Variants in ARID3A observed in about 807,000 individuals in gnomAD.
ARID3A encodes the protein AT-rich interactive domain-containing protein 3A.
A neutral mutation model predicts 52.7 loss-of-function variants in ARID3A; 11 were observed. The ratio of observed to expected loss-of-function variants is 0.21; its 90% CI spans 0.13 to 0.35. ARID3A has a LOEUF of 0.35. Ranked by LOEUF, ARID3A falls within the 10% of genes least tolerant of loss-of-function variation. ARID3A has a pLI of 1.00. For synonymous variants in ARID3A, 404 were observed against 359.4 expected (o/e 1.12, Z -1.40); for missense variants, 721 against 838.5 (o/e 0.86, Z 1.73).
In ARID3A at chr19:942,953, G is replaced by A. The variant is rs939414413; in HGVS notation, c.693+10211G>A. Among the ~76,000 whole-genome samples the A allele has an allele frequency of 4.6e-5, 7 of 152,172 alleles. No individual in the cohort carries two copies. Among genetic ancestry groups the A allele is most frequent in the African/African-American group, 1.7e-4 (7 of 41,438 alleles). ...GTTAGTTTCAGTGAGGTCCTGCAGC[G>A]TACGGTGGCCCCAAATCCCATGCCG... is the stretch of plus-strand genomic sequence containing the variant. On this transcript the variant is annotated intron_variant, in intron 3 of 8. Transcript: ENST00000263620. This position sits in a 1 kb window ranked among gnomAD's most constrained non-coding sequence, Gnocchi z 8.1.
chr19:938,565 C>T lies in ARID3A; in HGVS notation c.693+5823C>T, dbSNP rs542560250. 5.6e-4 allele frequency among the ~76,000 whole-genome samples: 85 copies of T among 152,310 alleles called. No homozygotes were observed. Among genetic ancestry groups the T allele is most frequent in the African/African-American group, 1.9e-3 (81 of 41,562 alleles). On this transcript the variant is annotated intron_variant, in intron 3 of 8. Coordinates refer to ENST00000263620, the MANE Select transcript of ARID3A (RefSeq NM_005224.3). The surrounding 1 kb of genome is among the most constrained non-coding windows in gnomAD (Gnocchi z 4.0). ...ATGGCCCAGGGAGCTGCTGGTGGGA[C>T]GGTTTTGGGGAAGCTCAGCTGCCCC...
At position 959,822 on chromosome 19, in the gene ARID3A, C is replaced by T. The variant is rs1458326446; in HGVS notation, c.694-270C>T. On this transcript the variant is annotated intron_variant, in intron 3 of 8. Transcript: ENST00000263620. The surrounding 1 kb of genome is among the most constrained non-coding windows in gnomAD (Gnocchi z 5.0). Reference sequence around the variant, plus strand: ...ATCTGGGGTTCCCGGGCCCCTGGACCGGGAGAGGACACTGTCTTGTCCCAG... The same window carrying T: ...ATCTGGGGTTCCCGGGCCCCTGGACTGGGAGAGGACACTGTCTTGTCCCAG... Among the ~76,000 whole-genome samples, 3 of 152,134 alleles carry T rather than the reference C, an allele frequency of 2.0e-5. No homozygotes were observed. The highest frequency in any genetic ancestry group is 4.4e-5 in the Non-Finnish European group (3 of 68,018).
At chr19:930,649 A>G (rs2037303207) in intron 2 of ARID3A, among the ~76,000 whole-genome samples, 2 of 148,704 alleles carry the variant, frequency 1.3e-5, no homozygotes, top group East Asian at 2.1e-4. Context: ...AGTTGGGACT[A>G]CAGGCGCCCG....
Position 930,842 on chromosome 19 carries a change from C to CTAGG in ARID3A, c.368+949_368+950insGTAG, listed in dbSNP as rs552487550. On this transcript the variant is annotated intron_variant, in intron 2 of 8. Transcript: ENST00000263620. ...TTCATCTTAGTTAACTTAAAGCAACCTAGCCACCGATGGCTACAGCAGATT... is the reference window on the plus strand; with the variant it reads ...TTCATCTTAGTTAACTTAAAGCAACCTAGGTAGCCACCGATGGCTACAGCAGATT... Among the ~76,000 whole-genome samples, 88 of 151,964 alleles carry CTAGG rather than the reference C, an allele frequency of 5.8e-4. 1 individual carries two copies. In the South Asian group the frequency reaches 0.014, roughly 24 times the overall value.
At position 973,104 on chromosome 19, in the gene ARID3A, ATTTTTT is replaced by A; in HGVS notation, c.*1055_*1060del. 3.7e-5 allele frequency: 2 copies of A among 53,678 alleles called. No individual in the cohort carries two copies. Among genetic ancestry groups the A allele is most frequent in the Admixed American group, 2.7e-4 (1 of 3,698 alleles). 3.3% of individuals were successfully genotyped at this position (53,678 alleles called of 1,614,324 possible). ...GGGCTCTCGAGTCAGGGGCCTGGAAATTTTTTTTTTTTTTTTTTTTTGAGACGGAGT... is the reference window on the plus strand; with the variant it reads ...GGGCTCTCGAGTCAGGGGCCTGGAAATTTTTTTTTTTTTTTGAGACGGAGT... On this transcript the variant is annotated 3_prime_UTR_variant, in exon 9 of 9. Coordinates refer to ENST00000263620, the MANE Select transcript of ARID3A (RefSeq NM_005224.3).
chr19:964,217 C>T lies in ARID3A; in HGVS notation c.767-31C>T. On this transcript the variant is annotated intron_variant, in intron 4 of 8. Transcript: ENST00000263620. This position sits in a 1 kb window ranked among gnomAD's most constrained non-coding sequence, Gnocchi z 5.7. ...TCGGCTCCCTGCAGTGCCCAGGTGG[C>T]CCCCAACCTCCCTCTCGCCCCTTCC... 3 of 1,582,914 alleles carry T rather than the reference C, an allele frequency of 1.9e-6. No homozygotes were observed. Among genetic ancestry groups the T allele is most frequent in the South Asian group, 1.1e-5 (1 of 88,090 alleles).
rs1045674988 is a variant in ARID3A, at chr19:966,623, T to G, written c.1250T>G (p.Leu417Arg). The stretch of plus-strand genomic sequence containing the variant: ...GTCCCTGGCCGCCTGCCTGTGTCCC[T>G]GGCGGGCCACCCTGTGGTGGCAGCC... ...ITVPGRLPVS[L>R]AGHPVVAAQA... The change falls in exon 7 of 9, where the codon CTG becomes CGG. Residue 417 changes from leucine to arginine, a missense_variant. Physicochemically the swap from Leu to Arg is moderately radical, Grantham distance 102 (BLOSUM62 -2). This residue lies in a region of ARID3A where 297 missense variants were observed against 343.2 expected (regional missense o/e 0.87). Coordinates refer to ENST00000263620, the MANE Select transcript of ARID3A (RefSeq NM_005224.3). 1.0e-5 allele frequency: 16 copies of G among 1,595,614 alleles called. No individual in the cohort carries two copies. In the African/African-American group the frequency reaches 2.0e-4, roughly 20 times the overall value.
intron 8 of ARID3A, among the ~76,000 whole-genome samples, chr19:971,603 G>T (rs1327418970): frequency 6.6e-6 from 1 of 152,016 alleles, no homozygotes; most frequent in Non-Finnish European, 1.5e-5. Context: ...GACAGAGCGA[G>T]ACACCATCTC....
rs749651968 is a variant in ARID3A, at chr19:969,421, C to T, written c.1594+918C>T. Reference sequence around the variant, plus strand: ...GCGTGGTGGCAGGCGCCCATAGTCCCAGCTACTCGGGAGGCTGAGTAGGGA... The same window carrying T: ...GCGTGGTGGCAGGCGCCCATAGTCCTAGCTACTCGGGAGGCTGAGTAGGGA... On this transcript the variant is annotated intron_variant, in intron 8 of 8. Coordinates refer to ENST00000263620, the MANE Select transcript of ARID3A (RefSeq NM_005224.3). Among the ~76,000 whole-genome samples the T allele has an allele frequency of 9.2e-5, 14 of 151,504 alleles. No individual in the cohort carries two copies. In the East Asian group the frequency reaches 2.0e-3, roughly 22 times the overall value.
chr19:953,478 C>A (rs528581173), intron 3 of ARID3A, among the ~76,000 whole-genome samples: 4 of 149,986 alleles, frequency 2.7e-5, no homozygotes, highest in East Asian at 4.0e-4. Flanking sequence ...CTCCCACACC[C>A]CCCCCCGTGC....
intron 7 of ARID3A, 139 bp downstream of exon 7, chr19:967,007 CAGCA>C: frequency 7.1e-6 from 8 of 1,131,690 alleles, no homozygotes; most frequent in Non-Finnish European, 7.2e-6. Flanking sequence ...TCTGTAATCC[CAGCA>C]CTTTGGGAGA....
intron 2 of ARID3A, among the ~76,000 whole-genome samples, chr19:930,407 C>T (rs567115038): frequency 3.4e-5 from 5 of 147,864 alleles, no homozygotes; most frequent in South Asian, 2.2e-4. Flanking sequence ...CAAAAATTAG[C>T]CAGGCGTGGT....
rs1051652817 is a variant in ARID3A at position 960,014 on chromosome 19, G to A, written c.694-78G>A. ...CCCCTGCTCCTGTCCTCCTGACCTG[G>A]CCTCCAGTGCAGGAGGGACATGGTT... On this transcript the variant is annotated intron_variant, in intron 3 of 8. Transcript: ENST00000263620. The surrounding 1 kb of genome is among the most constrained non-coding windows in gnomAD (Gnocchi z 4.3). The A allele has an allele frequency of 7.7e-7, 1 of 1,306,124 alleles. No individual in the cohort carries two copies. Among genetic ancestry groups the A allele is most frequent in the Non-Finnish European group, 1.1e-6 (1 of 925,630 alleles). The allele number at this position is 1,306,124 out of a possible 1,614,324, so 80.9% of individuals were successfully genotyped here.
At chr19:936,275 A>G (rs2037437422) in intron 3 of ARID3A, among the ~76,000 whole-genome samples, 1 of 152,216 alleles carries the variant, frequency 6.6e-6, no homozygotes, top group Non-Finnish European at 1.5e-5. Flanking sequence ...GATTGGGGCC[A>G]GGCACAGTGG....
chr19:940,009 C>A (rs1030739622), intron 3 of ARID3A, among the ~76,000 whole-genome samples: 3 of 152,072 alleles, frequency 2.0e-5, no homozygotes, highest in Middle Eastern at 3.4e-3. Flanking sequence ...GGCTTAGGGG[C>A]GCTGCTGGGC....
rs1276963695 is a variant in ARID3A, at chr19:944,026, G to A, written c.693+11284G>A. Among the ~76,000 whole-genome samples the A allele has an allele frequency of 7.0e-5, 10 of 143,370 alleles. 1 individual carries two copies. The South Asian group carries it at 2.3e-3, about 33-fold the overall frequency. The allele number at this position is 143,370 out of a possible 152,430, so 94.1% of individuals were successfully genotyped here. A position where few individuals can be genotyped will look rare whatever the true frequency, so the allele number is the denominator to read the frequency against. ...GGCACTTATGGGGCACCTGTTGTATGCCAGCCTGACCCTCTCATGGGCACT... is the reference window on the plus strand; with the variant it reads ...GGCACTTATGGGGCACCTGTTGTATACCAGCCTGACCCTCTCATGGGCACT... On this transcript the variant is annotated intron_variant, in intron 3 of 8. Transcript: ENST00000263620. The surrounding 1 kb of genome is among the most constrained non-coding windows in gnomAD (Gnocchi z 5.9).
At chr19:937,188 C>T (rs1246225985) in intron 3 of ARID3A, among the ~76,000 whole-genome samples, 2 of 150,948 alleles carry the variant, frequency 1.3e-5, no homozygotes, top group African/African-American at 4.9e-5. Flanking sequence ...CGCTTGAACC[C>T]GGGAGGCGGA....
At chr19:949,485 G>C (rs995784131) in intron 3 of ARID3A, among the ~76,000 whole-genome samples, 1 of 152,120 alleles carries the variant, frequency 6.6e-6, no homozygotes. Flanking sequence ...ACCAGCATTG[G>C]AGGAAGGAAA....
In ARID3A at chr19:941,699, G is replaced by A. The variant is rs1001789370; in HGVS notation, c.693+8957G>A. On this transcript the variant is annotated intron_variant, in intron 3 of 8. Coordinates refer to ENST00000263620, the MANE Select transcript of ARID3A (RefSeq NM_005224.3). The surrounding 1 kb of genome is among the most constrained non-coding windows in gnomAD (Gnocchi z 6.9). Reference sequence around the variant, plus strand: ...ACTCCTGGGCTCAAGTGATCCTCCCGCCTCGGTCTCTGAAAGTGCTGGGAT... The same window carrying A: ...ACTCCTGGGCTCAAGTGATCCTCCCACCTCGGTCTCTGAAAGTGCTGGGAT... Among the ~76,000 whole-genome samples, 2 of 151,970 alleles carry A rather than the reference G, an allele frequency of 1.3e-5. No homozygotes were observed. The highest frequency in any genetic ancestry group is 2.4e-5 in the African/African-American group (1 of 41,368).
Sources: allele counts gnomAD v4.1 joint callset (sites outside exome capture counted in the v4.1 genomes callset), GRCh38; gene constraint gnomAD v4.1.1; regional missense constraint gnomAD v4.1.1; non-coding constraint Gnocchi (gnomAD v3.1); transcripts MANE v1.5; gene names NCBI Gene and HGNC (gene_info 2026-07-23, HGNC 2026-07-21).